The following DCHS2 variants were observed in gnomAD, a reference collection of about 807,000 sequenced individuals.
DCHS2 encodes dachsous cadherin-related 2.
DCHS2 carries 142 observed loss-of-function variants against 182.4 expected under a neutral mutation model. The observed-to-expected ratio is 0.78, with a 90% CI of 0.68 to 0.89. DCHS2 has a LOEUF of 0.89. Among genes scored for constraint, DCHS2 ranks in the 40% least tolerant of loss-of-function variants. The pLI is 0.00. For synonymous variants in DCHS2, 1,740 were observed against 1,663.3 expected, an observed-to-expected ratio of 1.05 and a Z score of -1.12; for missense variants, 4,319 against 4,198.6, an observed-to-expected ratio of 1.03 and a Z score of -0.79.
chr4:154,486,791 G>A (rs1411821412), intron 1 of DCHS2, among the ~76,000 whole-genome samples: 1 of 152,196 alleles, frequency 6.6e-6, no homozygotes, highest in Non-Finnish European at 1.5e-5. Context: ...GCCTTGGAGA[G>A]GCCACCAGAG....
At chr4:154,467,713 G>A (rs551466620) in intron 1 of DCHS2, among the ~76,000 whole-genome samples, 7 of 152,144 alleles carry the variant, frequency 4.6e-5, no homozygotes, top group Admixed American at 6.5e-5. Context: ...AATGCATGAC[G>A]AAAATTACAC....
chr4:154,463,928 T>C (rs755313421), intron 1 of DCHS2, among the ~76,000 whole-genome samples: 14 of 152,336 alleles, frequency 9.2e-5, no homozygotes, highest in Middle Eastern at 3.4e-3. Context: ...CCATCAATAG[T>C]GACTTTGCAG....
intron 5 of DCHS2, 151 bp from the exon 6 acceptor site, chr4:154,329,861 G>T (rs978484906): frequency 2.1e-5 from 11 of 526,454 alleles, no homozygotes; most frequent in Non-Finnish European, 2.1e-5. Flanking sequence ...CTATGGTACT[G>T]TTGAAAAAAT....
Position 154,321,146 on chromosome 4 carries a change from G to C in DCHS2, c.4253C>G (p.Pro1418Arg). Residue 1418 changes from proline to arginine, a missense_variant, in exon 9 of 20, where the codon CCC becomes CGC. Physicochemically the swap from Pro to Arg is moderately radical, Grantham distance 103. Transcript: ENST00000357232. ...RHLIIPENLK[P>R]TKIMSLIKSS... ...CTTTATCAAGCTCATTATTTTTGTG[G>C]GCTTCAAATTTTCTGGTATAATTAA... is the stretch of plus-strand genomic sequence containing the variant. 6.3e-7 allele frequency: 1 copy of C among 1,591,954 alleles called. No individual in the cohort carries two copies. Among genetic ancestry groups the C allele is most frequent in the African/African-American group, 1.3e-5 (1 of 74,154 alleles).
At chr4:154,360,498 C>A (rs1249395056) in intron 3 of DCHS2, among the ~76,000 whole-genome samples, 3 of 152,038 alleles carry the variant, frequency 2.0e-5, no homozygotes, top group African/African-American at 7.2e-5. Flanking sequence ...CTCTGTCTTG[C>A]AAATAAGAGA....
In DCHS2 at chr4:154,233,407, T is replaced by C. The variant is rs1731282715; in HGVS notation, c.*1129A>G. The C allele has an allele frequency of 6.6e-6, 1 of 152,034 alleles. No homozygotes were observed. The highest frequency in any genetic ancestry group is 1.5e-5 in the Non-Finnish European group (1 of 68,014). The allele number at this position is 152,034 out of a possible 1,614,324, so 9.4% of individuals were successfully genotyped here. ...GCCAAACTGCTCCATCTAATGACAG[T>C]TAAATTAAAGCTGCAAGTGTGTGAG... On this transcript the variant is annotated 3_prime_UTR_variant, in exon 20 of 20. Transcript: ENST00000357232.
At chr4:154,285,622 G>T (rs1241609831) in intron 13 of DCHS2, among the ~76,000 whole-genome samples, 1 of 152,152 alleles carries the variant, frequency 6.6e-6, no homozygotes, top group Non-Finnish European at 1.5e-5. Context: ...TGGAGTGGTG[G>T]TGGCCATATG....
chr4:154,240,974 G>C (rs978072747), intron 17 of DCHS2, 151 bp from the exon 18 acceptor site: 3 of 1,274,458 alleles, frequency 2.4e-6, no homozygotes, highest in Admixed American at 2.8e-5. Flanking sequence ...ATTATGCACT[G>C]AACAAAAACT....
In DCHS2 at chr4:154,236,180, G is replaced by A. The variant is rs1465535803; in HGVS notation, c.8472C>T (p.Leu2824=). The A allele has an allele frequency of 1.2e-6, 2 of 1,613,892 alleles. No homozygotes were observed. The highest frequency in any genetic ancestry group is 1.7e-6 in the Non-Finnish European group (2 of 1,179,952). The change falls in exon 20 of 20, where the codon CTC becomes CTT. Residue 2824 remains leucine, a synonymous_variant. Transcript: ENST00000357232. ...CCCCTGTCAAAGGGTCAATGAGGAA[G>A]AGATCATGATCATAAGACATTCCAT... The part of the protein sequence containing the change: ...LTHGMSYDHD[L]FLIDPLTGDI...
Position 154,259,586 on chromosome 4 carries a change from A to T in DCHS2, c.6748T>A (p.Ser2250Thr). The change falls in exon 15 of 20, where the codon TCA becomes ACA. Residue 2250 changes from serine to threonine, a missense_variant. Transcript: ENST00000357232. ...PCFEQSIYQA[S>T]VSESQLYNAH... ...TTGTAGAGTTGGCTTTCAGACACTGATGCCTGGTAAATGCTTTGTTCAAAG... is the reference window on the plus strand; with the variant it reads ...TTGTAGAGTTGGCTTTCAGACACTGTTGCCTGGTAAATGCTTTGTTCAAAG... 1.9e-6 allele frequency: 3 copies of T among 1,613,912 alleles called. No homozygotes were observed. Among genetic ancestry groups the T allele is most frequent in the Non-Finnish European group, 1.7e-6 (2 of 1,179,982 alleles).
intron 5 of DCHS2, among the ~76,000 whole-genome samples, 184 bp from the exon 6 acceptor site, chr4:154,329,894 T>C (rs929436631): frequency 3.3e-5 from 5 of 152,234 alleles, no homozygotes; most frequent in African/African-American, 1.2e-4. Flanking sequence ...CTCCTGAAAA[T>C]GTCACTTTAA....
At chr4:154,485,522 G>A (rs970048028) in intron 1 of DCHS2, among the ~76,000 whole-genome samples, 7 of 152,212 alleles carry the variant, frequency 4.6e-5, no homozygotes, top group Non-Finnish European at 1.5e-5. Context: ...AGAAGGGAAG[G>A]AGATGGAGAA....
chr4:154,236,248 C>T lies in DCHS2; in HGVS notation c.8404G>A (p.Gly2802Arg), dbSNP rs375918917. ...GATACAATAGAATAGGTCAATTCTC[C>T]ATACGGACCAGCATCAAAATCCAGA... Reference protein sequence around the residue: ...NALDFDAGPYGELTYSIVSPC... With the variant: ...NALDFDAGPYRELTYSIVSPC... Residue 2802 changes from glycine (G) to arginine (R), a missense_variant, in exon 20 of 20, where the codon GGA becomes AGA. Transcript: ENST00000357232. The T allele has an allele frequency of 6.2e-7, 1 of 1,613,976 alleles. No individual in the cohort carries two copies. Among genetic ancestry groups the T allele is most frequent in the African/African-American group, 1.3e-5 (1 of 75,026 alleles).
intron 3 of DCHS2, chr4:154,357,360 G>A (rs1301921347): frequency 7.1e-7 from 1 of 1,400,006 alleles, no homozygotes; most frequent in African/African-American, 1.4e-5. Flanking sequence ...GGTGGGAGCA[G>A]GGAAAAGCAA....
chr4:154,427,412 G>T (rs879576778), intron 1 of DCHS2, among the ~76,000 whole-genome samples: 1 of 152,216 alleles, frequency 6.6e-6, no homozygotes, highest in Non-Finnish European at 1.5e-5. Flanking sequence ...TAAGAGAAGA[G>T]CTGTTCTGTA....
intron 16 of DCHS2, among the ~76,000 whole-genome samples, chr4:154,247,635 C>CAAAAAAAAAAAAAAAAAAAA (rs67157369): frequency 4.0e-5 from 4 of 100,138 alleles, no homozygotes; most frequent in Admixed American, 1.1e-4. Flanking sequence ...GACTCCGTCT[C>CAAAAAAAAAAAAAAAAAAAA]AAAAAAAAAA....
At chr4:154,276,475 G>A (rs1004425338) in intron 13 of DCHS2, among the ~76,000 whole-genome samples, 1 of 152,156 alleles carries the variant, frequency 6.6e-6, no homozygotes, top group Non-Finnish European at 1.5e-5. Flanking sequence ...AAGTAATTAT[G>A]AAAACATTGT....
intron 1 of DCHS2, among the ~76,000 whole-genome samples, chr4:154,397,366 A>T (rs1731974757): frequency 6.6e-6 from 1 of 152,186 alleles, no homozygotes; most frequent in African/African-American, 2.4e-5. Flanking sequence ...GTTTGAAGTA[A>T]GTTTAGTCTA....
intron 3 of DCHS2, among the ~76,000 whole-genome samples, chr4:154,360,177 T>C (rs1730053349): frequency 6.6e-6 from 1 of 152,056 alleles, no homozygotes; most frequent in African/African-American, 2.4e-5. Context: ...AAATAGGCAA[T>C]ATTACATATG....
Sources: gnomAD v4.1 joint callset for allele counts (sites outside exome capture counted in the v4.1 genomes callset) on GRCh38, gnomAD v4.1.1 for gene constraint, MANE v1.5 for transcripts, NCBI Gene and HGNC (gene_info 2026-07-23, HGNC 2026-07-21) for gene names.